FMN1: variants seen among roughly 807,000 people sequenced by gnomAD.
The protein encoded by FMN1 is formin-1.
In FMN1, 110 loss-of-function variants were observed where a neutral mutation model predicts 132.4. That is an observed-to-expected ratio of 0.83 (90% CI 0.71 to 0.97). FMN1 has a LOEUF of 0.97. Ranked by LOEUF, FMN1 falls within the 50% of genes least tolerant of loss-of-function variation. The pLI is 0.00. For missense variants in FMN1, 1,792 were observed against 1,705.3 expected (o/e 1.05, Z -0.90); for synonymous variants, 722 against 651.7 (o/e 1.11, Z -1.64).
At chr15:33,103,614 G>A (rs1006394841) in intron 4 of FMN1, among the ~76,000 whole-genome samples, 1 of 152,042 alleles carries the variant, frequency 6.6e-6, no homozygotes, top group African/African-American at 2.4e-5. Context: ...TATTTGAAAT[G>A]TTGTTTCTCA....
chr15:32,906,215 G>C (rs2060421527), intron 12 of FMN1, among the ~76,000 whole-genome samples: 2 of 152,170 alleles, frequency 1.3e-5, no homozygotes, highest in South Asian at 4.1e-4. Flanking sequence ...CTGCTCGGTG[G>C]TTAAGGGGTT....
chr15:33,151,379 G>A (rs537796598), intron 4 of FMN1: 3 of 1,536,528 alleles, frequency 2.0e-6, no homozygotes, highest in South Asian at 1.2e-5. Context: ...CCAATGGAAG[G>A]CTGAGGCCAA....
At chr15:33,126,490 C>G (rs1304756661) in intron 4 of FMN1, among the ~76,000 whole-genome samples, 1 of 152,146 alleles carries the variant, frequency 6.6e-6, no homozygotes, top group Admixed American at 6.5e-5. Context: ...CAAGACAGAC[C>G]AACTCTACAT....
At chr15:33,101,820 G>A (rs374553831) in intron 4 of FMN1, among the ~76,000 whole-genome samples, 13 of 152,178 alleles carry the variant, frequency 8.5e-5, no homozygotes, top group African/African-American at 2.9e-4. Flanking sequence ...TGGATAGGGA[G>A]ACCATTTATG....
chr15:33,041,051 A>G (rs2036410500), intron 6 of FMN1, among the ~76,000 whole-genome samples: 1 of 152,144 alleles, frequency 6.6e-6, no homozygotes, highest in Non-Finnish European at 1.5e-5. Context: ...AGCAAGTCAA[A>G]TTCAGCATTT....
intron 9 of FMN1, among the ~76,000 whole-genome samples, chr15:32,959,142 T>C (rs760036527): frequency 2.0e-5 from 3 of 151,880 alleles, no homozygotes; most frequent in Non-Finnish European, 4.4e-5. Context: ...AATCCAGTAA[T>C]GTACCCAGCA....
chr15:32,794,073 A>G (rs2057188213), intron 19 of FMN1, among the ~76,000 whole-genome samples: 1 of 152,182 alleles, frequency 6.6e-6, no homozygotes, highest in African/African-American at 2.4e-5. Context: ...ACAGCTTTGA[A>G]CTATCTTCTG....
chr15:32,802,695 C>T (rs1434639804), intron 18 of FMN1, among the ~76,000 whole-genome samples: 1 of 152,198 alleles, frequency 6.6e-6, no homozygotes, highest in Non-Finnish European at 1.5e-5. Flanking sequence ...AGCAAGAATC[C>T]TGAAAAAGTA....
intron 4 of FMN1, among the ~76,000 whole-genome samples, chr15:33,137,661 CA>C (rs1398112908): frequency 6.6e-6 from 1 of 152,160 alleles, no homozygotes; most frequent in Non-Finnish European, 1.5e-5. Context: ...TTCCTTTCAA[CA>C]TACTATGTAA....
At chr15:32,931,265 G>A (rs1596299523) in intron 9 of FMN1, among the ~76,000 whole-genome samples, 1 of 152,124 alleles carries the variant, frequency 6.6e-6, no homozygotes, top group African/African-American at 2.4e-5. Flanking sequence ...CACTGAATCT[G>A]TATGTTGCTT....
At chr15:32,938,977 G>A (rs1016425649) in intron 9 of FMN1, among the ~76,000 whole-genome samples, 2 of 152,140 alleles carry the variant, frequency 1.3e-5, no homozygotes, top group Non-Finnish European at 2.9e-5. Context: ...AGAGCCTGCT[G>A]TACATAAAAG....
At chr15:33,011,358 C>A (rs1041623624) in intron 6 of FMN1, among the ~76,000 whole-genome samples, 1 of 151,982 alleles carries the variant, frequency 6.6e-6, no homozygotes, top group African/African-American at 2.4e-5. Context: ...ATATTCTGTT[C>A]CTTTCTTATG....
At chr15:33,192,571 G>T (rs970369914) in intron 2 of FMN1, among the ~76,000 whole-genome samples, 1 of 152,208 alleles carries the variant, frequency 6.6e-6, no homozygotes, top group South Asian at 2.1e-4. Context: ...CTAAGAATCG[G>T]CTAAGTACTT....
intron 16 of FMN1, among the ~76,000 whole-genome samples, chr15:32,875,211 C>G (rs1197423676): frequency 1.3e-5 from 2 of 152,200 alleles, no homozygotes; most frequent in Admixed American, 6.5e-5. Context: ...CTGCTATTGT[C>G]CCCTTTTTGG....
At chr15:32,804,099 G>C (rs1164887815) in intron 18 of FMN1, among the ~76,000 whole-genome samples, 182 bp downstream of exon 18, 1 of 152,148 alleles carries the variant, frequency 6.6e-6, no homozygotes, top group Admixed American at 6.5e-5. Flanking sequence ...TAGAACGGTG[G>C]TTGCCTAGGG....
intron 6 of FMN1, among the ~76,000 whole-genome samples, chr15:33,013,465 G>A (rs1157396571): frequency 7.7e-6 from 1 of 130,628 alleles, no homozygotes; most frequent in Admixed American, 8.1e-5. Flanking sequence ...AAGAATGGTG[G>A]TTTCCAGGAG....
chr15:33,020,798 T>C (rs2035378709), intron 6 of FMN1, among the ~76,000 whole-genome samples: 1 of 152,208 alleles, frequency 6.6e-6, no homozygotes, highest in African/African-American at 2.4e-5. Flanking sequence ...CTTTGAAATA[T>C]CTAAGAACTT....
intron 9 of FMN1, among the ~76,000 whole-genome samples, chr15:32,962,283 A>G (rs2140581337): frequency 6.6e-6 from 1 of 152,306 alleles, no homozygotes; most frequent in South Asian, 2.1e-4. Flanking sequence ...AAAACTGGCT[A>G]GCCATATGTA....
chr15:32,815,987 C>T (rs937496609), intron 17 of FMN1, among the ~76,000 whole-genome samples: 4 of 152,154 alleles, frequency 2.6e-5, no homozygotes, highest in South Asian at 4.1e-4. Context: ...AGCCTACATT[C>T]GACAGCTGTA....
Sources: allele counts gnomAD v4.1 joint callset (sites outside exome capture counted in the v4.1 genomes callset), GRCh38; gene constraint gnomAD v4.1.1; transcripts MANE v1.5; gene names NCBI Gene and HGNC (gene_info 2026-07-23, HGNC 2026-07-21).